LDB2: variants seen among roughly 807,000 people sequenced by gnomAD.
LDB2 encodes the protein LIM domain binding 2, also known as LIM domain-binding protein 2.
A neutral mutation model predicts 44.3 loss-of-function variants in LDB2; 12 were observed. The observed-to-expected ratio is 0.27, with a 90% confidence interval of 0.17 to 0.44. LDB2 has a LOEUF of 0.44. Ranked by LOEUF, LDB2 falls within the 20% of genes least tolerant of loss-of-function variation. The pLI, the probability that LDB2 is intolerant of heterozygous loss-of-function variation, is 1.00. For synonymous variants in LDB2, 164 were observed against 174.8 expected (o/e 0.94, Z 0.49); for missense variants, 344 against 473.5 (o/e 0.73, Z 2.54).
chr4:16,831,327 G>A (rs1004045546), intron 1 of LDB2, among the ~76,000 whole-genome samples: 3 of 152,004 alleles, frequency 2.0e-5, no homozygotes, highest in East Asian at 1.9e-4. Context: ...AGAATAAGCC[G>A]GGTCACATAG....
intron 1 of LDB2, among the ~76,000 whole-genome samples, chr4:16,816,645 A>C (rs1271896299): frequency 6.6e-6 from 1 of 151,988 alleles, no homozygotes; most frequent in Non-Finnish European, 1.5e-5. Flanking sequence ...TCCTGACCTC[A>C]AGCGATCCGC....
intron 1 of LDB2, among the ~76,000 whole-genome samples, chr4:16,850,944 A>G (rs1034205495): frequency 1.2e-4 from 6 of 48,806 alleles, no homozygotes; most frequent in Non-Finnish European, 1.8e-4. Flanking sequence ...AGTTAAAACC[A>G]TAAGTGTGTG....
chr4:16,675,975 T>C (rs1320265123), intron 2 of LDB2, among the ~76,000 whole-genome samples: 1 of 152,230 alleles, frequency 6.6e-6, no homozygotes, highest in East Asian at 1.9e-4. Context: ...AGGGAATATT[T>C]GGCATATTGG....
chr4:16,879,053 T>C (rs901638297), intron 1 of LDB2, among the ~76,000 whole-genome samples: 5 of 152,364 alleles, frequency 3.3e-5, no homozygotes, highest in Admixed American at 3.3e-4. Flanking sequence ...TACTTGATTG[T>C]AAATTTCCTG....
intron 2 of LDB2, among the ~76,000 whole-genome samples, chr4:16,621,941 GAAGTA>G (rs1729002101): frequency 6.6e-6 from 1 of 152,174 alleles, no homozygotes. Context: ...TTCAACACTA[GAAGTA>G]AAGATGCTTT....
At chr4:16,810,744 C>T (rs879717721) in intron 1 of LDB2, among the ~76,000 whole-genome samples, 6 of 146,186 alleles carry the variant, frequency 4.1e-5, no homozygotes, top group African/African-American at 1.3e-4. Flanking sequence ...GGGGGGTTCA[C>T]GGAAGATCCA....
At chr4:16,870,674 C>A (rs537518783) in intron 1 of LDB2, among the ~76,000 whole-genome samples, 3 of 152,096 alleles carry the variant, frequency 2.0e-5, no homozygotes, top group African/African-American at 7.2e-5. Flanking sequence ...GCTCTTGTCA[C>A]CCAGGCTGGA....
chr4:16,895,291 A>C (rs1159569684), intron 1 of LDB2, among the ~76,000 whole-genome samples: 2 of 152,138 alleles, frequency 1.3e-5, no homozygotes, highest in Admixed American at 1.3e-4. Flanking sequence ...AAGAACTTTG[A>C]TTTAATTTAA....
At chr4:16,549,370 C>G in intron 5 of LDB2, among the ~76,000 whole-genome samples, 1 of 152,200 alleles carries the variant, frequency 6.6e-6, no homozygotes, top group East Asian at 1.9e-4. Context: ...TAGCAATTTT[C>G]TGAGGAATGA....
At chr4:16,575,811 C>T (rs1249500434) in intron 5 of LDB2, among the ~76,000 whole-genome samples, 2 of 152,240 alleles carry the variant, frequency 1.3e-5, no homozygotes, top group African/African-American at 4.8e-5. Context: ...AATCTCAGCT[C>T]ACTGCAACCT....
intron 1 of LDB2, among the ~76,000 whole-genome samples, chr4:16,781,179 A>C (rs1404939926): frequency 1.3e-5 from 2 of 152,184 alleles, no homozygotes; most frequent in Non-Finnish European, 2.9e-5. Context: ...ATGAAACAGA[A>C]TAGGGATGCC....
At chr4:16,894,060 A>G (rs747095902) in intron 1 of LDB2, among the ~76,000 whole-genome samples, 1 of 152,178 alleles carries the variant, frequency 6.6e-6, no homozygotes, top group Non-Finnish European at 1.5e-5. Flanking sequence ...GCTGAGACCT[A>G]AAAATGAAAA....
intron 7 of LDB2, among the ~76,000 whole-genome samples, chr4:16,504,415 T>G (rs138622876): frequency 1.9e-4 from 29 of 152,344 alleles, no homozygotes; most frequent in Non-Finnish European, 1.3e-4. Context: ...TAATCATTCT[T>G]GTGAATAGAT....
At chr4:16,854,793 T>C (rs1208392111) in intron 1 of LDB2, among the ~76,000 whole-genome samples, 3 of 151,760 alleles carry the variant, frequency 2.0e-5, no homozygotes, top group Admixed American at 2.0e-4. Flanking sequence ...GCTATATTAA[T>C]GAACAACACA....
chr4:16,543,310 A>G (rs1734553996), intron 5 of LDB2, among the ~76,000 whole-genome samples: 1 of 152,130 alleles, frequency 6.6e-6, no homozygotes, highest in African/African-American at 2.4e-5. Context: ...GTTGGGTCAA[A>G]TGGTATTTCT....
At chr4:16,877,366 G>A (rs952317957) in intron 1 of LDB2, among the ~76,000 whole-genome samples, 1 of 152,128 alleles carries the variant, frequency 6.6e-6, no homozygotes, top group Non-Finnish European at 1.5e-5. Context: ...CTTTCCAGGT[G>A]TCCTTAAATT....
chr4:16,587,664 G>A (rs552599879), intron 4 of LDB2, among the ~76,000 whole-genome samples: 16 of 152,276 alleles, frequency 1.1e-4, no homozygotes, highest in Middle Eastern at 3.4e-3. Context: ...TCAGAAAGAG[G>A]TGGCTGACAA....
chr4:16,699,586 A>G (rs914409652), intron 2 of LDB2, among the ~76,000 whole-genome samples: 3 of 152,208 alleles, frequency 2.0e-5, no homozygotes, highest in Non-Finnish European at 4.4e-5. Flanking sequence ...TGTGAGGTGG[A>G]GAAGTATATA....
intron 2 of LDB2, among the ~76,000 whole-genome samples, chr4:16,667,268 C>T (rs1326145125): frequency 6.6e-6 from 1 of 152,156 alleles, no homozygotes. Flanking sequence ...TCAATGTTTC[C>T]CAAGCTTCAG....
Sources: allele counts gnomAD v4.1 joint callset (sites outside exome capture counted in the v4.1 genomes callset), GRCh38; gene constraint gnomAD v4.1.1; transcripts MANE v1.5; gene names NCBI Gene and HGNC (gene_info 2026-07-23, HGNC 2026-07-21).